Variants in IQGAP2 observed in about 807,000 individuals in gnomAD.
The protein encoded by IQGAP2 is IQ motif containing GTPase activating protein 2.
IQGAP2 carries 173 observed loss-of-function variants against 201.3 expected under a neutral mutation model. That is an observed-to-expected ratio of 0.86 (90% CI 0.76 to 0.98). The LOEUF (loss-of-function observed/expected upper bound fraction) is 0.98. IQGAP2 is among the 50% of genes least tolerant of loss of function. IQGAP2 has a pLI of 0.00. For missense variants in IQGAP2, 1,687 were observed against 1,864.8 expected (o/e 0.90, Z 1.76); for synonymous variants, 675 against 673.9 (o/e 1.00, Z -0.03).
At chr5:76,426,804 C>T (rs1218654322) in intron 1 of IQGAP2, among the ~76,000 whole-genome samples, 2 of 152,064 alleles carry the variant, frequency 1.3e-5, no homozygotes, top group African/African-American at 4.8e-5. Flanking sequence ...CAAGTAGGGG[C>T]CCTTCTTGAT....
rs1460683046 is a variant in IQGAP2 at position 76,403,925 on chromosome 5, G to C, written c.46+334G>C. On this transcript the variant is annotated intron_variant, in intron 1 of 35. Coordinates refer to ENST00000274364, the MANE Select transcript of IQGAP2 (RefSeq NM_006633.5). This position sits in a 1 kb window ranked among gnomAD's most constrained non-coding sequence, Gnocchi z 4.8. ...CAGGTGAGGAGTCCGCGGAGCTCCG[G>C]GTCGCCGCCGGCTTGGGCCAGGGGG... 4.6e-5 allele frequency among the ~76,000 whole-genome samples: 7 copies of C among 152,170 alleles called. 1 individual carries two copies. In the East Asian group the frequency reaches 1.2e-3, roughly 25 times the overall value.
rs377414333 is a variant in IQGAP2 at position 76,452,477 on chromosome 5, T to C, written c.47-9093T>C. Among the ~76,000 whole-genome samples the C allele has an allele frequency of 4.3e-4, 65 of 152,310 alleles. 1 individual carries two copies. In the South Asian group the frequency reaches 0.013, roughly 30 times the overall value. Reference sequence around the variant, plus strand: ...CCTCATGTGATCTAATTTGTCAATATTGAATATTAATTTTTTTCTGTTGCT... The same window carrying C: ...CCTCATGTGATCTAATTTGTCAATACTGAATATTAATTTTTTTCTGTTGCT... On this transcript the variant is annotated intron_variant, in intron 1 of 35. Transcript: ENST00000274364.
At position 76,413,156 on chromosome 5, in the gene IQGAP2, C is replaced by CTTT. The variant is rs567410789; in HGVS notation, c.46+9593_46+9595dup. The stretch of plus-strand genomic sequence containing the variant: ...TATTTTCTTTTTTCTTTTCTTTTCT[C>CTTT]TTTTTTTTTTTTTTTTTTTTTTTTT... On this transcript the variant is annotated intron_variant, in intron 1 of 35. Coordinates refer to ENST00000274364, the MANE Select transcript of IQGAP2 (RefSeq NM_006633.5). 2.4e-3 allele frequency among the ~76,000 whole-genome samples: 200 copies of CTTT among 83,692 alleles called. 14 individuals are homozygous for CTTT. The highest frequency in any genetic ancestry group is 7.8e-3 in the African/African-American group (150 of 19,284). The allele number at this position is 83,692 out of a possible 152,430, so 54.9% of individuals were successfully genotyped here.
chr5:76,581,699 A>G (rs1384185475), intron 5 of IQGAP2, among the ~76,000 whole-genome samples: 1 of 152,192 alleles, frequency 6.6e-6, no homozygotes, highest in Non-Finnish European at 1.5e-5. Context: ...AGGAGGTTTA[A>G]TTGAACTAAT....
chr5:76,590,726 T>C (rs1746587872), intron 8 of IQGAP2, 140 bp downstream of exon 8: 6 of 672,390 alleles, frequency 8.9e-6, no homozygotes, highest in East Asian at 8.3e-5. Flanking sequence ...TTGAATGAAA[T>C]GTAGCATACA....
At chr5:76,428,216 G>A (rs1752124044) in intron 1 of IQGAP2, among the ~76,000 whole-genome samples, 1 of 152,036 alleles carries the variant, frequency 6.6e-6, no homozygotes, top group African/African-American at 2.4e-5. Flanking sequence ...GCGGGGTGAT[G>A]GGCAGCCAGA....
chr5:76,430,028 C>T (rs368739883), intron 1 of IQGAP2, among the ~76,000 whole-genome samples: 9 of 152,170 alleles, frequency 5.9e-5, no homozygotes, highest in African/African-American at 2.2e-4. Context: ...ATTTGAGGTC[C>T]TAGTGCAGCC....
chr5:76,623,306 A>T, intron 13 of IQGAP2: 1 of 1,541,098 alleles, frequency 6.5e-7, no homozygotes, highest in Non-Finnish European at 9.0e-7. Flanking sequence ...CCTCAGTTCC[A>T]TGTGTCAGCA....
rs1442570138 is a variant in IQGAP2 at position 76,475,426 on chromosome 5, G to A, written c.146+13757G>A. ...TAGGTGTTGGGGCTCAGACACTGATGCCCCAAAATACAGCATTTTGACATT... is the reference window on the plus strand; with the variant it reads ...TAGGTGTTGGGGCTCAGACACTGATACCCCAAAATACAGCATTTTGACATT... On this transcript the variant is annotated intron_variant, in intron 2 of 35. Coordinates refer to ENST00000274364, the MANE Select transcript of IQGAP2 (RefSeq NM_006633.5). 7.2e-5 allele frequency among the ~76,000 whole-genome samples: 11 copies of A among 152,176 alleles called. 2 individuals carry two copies. The highest frequency in any genetic ancestry group is 1.5e-5 in the Non-Finnish European group (1 of 68,024).
At chr5:76,700,090 T>C (rs1561609823) in intron 33 of IQGAP2, among the ~76,000 whole-genome samples, 1 of 152,092 alleles carries the variant, frequency 6.6e-6, no homozygotes, top group Non-Finnish European at 1.5e-5. Flanking sequence ...AGGAAGAATA[T>C]ATACATATAC....
At chr5:76,598,713 T>C (rs1460845090) in intron 10 of IQGAP2, among the ~76,000 whole-genome samples, 1 of 152,166 alleles carries the variant, frequency 6.6e-6, no homozygotes, top group Non-Finnish European at 1.5e-5. Context: ...GCCTGAAGGA[T>C]ATGAACCAAA....
At position 76,637,074 on chromosome 5, in the gene IQGAP2, A is replaced by G. The variant is rs1751194407; in HGVS notation, c.1821A>G (p.Lys607=). 2 of 1,612,096 alleles carry G rather than the reference A, an allele frequency of 1.2e-6. No homozygotes were observed. The highest frequency in any genetic ancestry group is 1.7e-6 in the Non-Finnish European group (2 of 1,178,714). Residue 607 remains lysine, a synonymous_variant, in exon 16 of 36, where the codon AAA becomes AAG. Transcript: ENST00000274364. ...DGSWLKLNLH[K]KYDYYYNTDS... is the part of the protein sequence containing the mutation. ...CATGGCTCAAACTCAACCTGCACAA[A>G]AAATATGACTACTATTACAACACTG...
intron 17 of IQGAP2, among the ~76,000 whole-genome samples, chr5:76,652,371 A>G (rs1752586277): frequency 6.6e-6 from 1 of 152,194 alleles, no homozygotes; most frequent in Admixed American, 6.5e-5. Context: ...CATTATTTTC[A>G]AGCATTTTTT....
At chr5:76,667,877 CTT>C (rs540744402) in intron 22 of IQGAP2, among the ~76,000 whole-genome samples, 6 of 123,422 alleles carry the variant, frequency 4.9e-5, no homozygotes, top group African/African-American at 1.6e-4. Flanking sequence ...AGTCCACTTT[CTT>C]TTTTTTTTTT....
chr5:76,536,945 T>A (rs1271773475), intron 2 of IQGAP2, among the ~76,000 whole-genome samples: 1 of 152,176 alleles, frequency 6.6e-6, no homozygotes, highest in African/African-American at 2.4e-5. Flanking sequence ...CCTTCTAGTA[T>A]CACTGAGGGA....
intron 35 of IQGAP2, among the ~76,000 whole-genome samples, chr5:76,706,142 A>T (rs1165588552): frequency 6.6e-6 from 1 of 152,212 alleles, no homozygotes; most frequent in Non-Finnish European, 1.5e-5. Context: ...TTCTCTCCAT[A>T]CATAGTTATT....
At chr5:76,558,895 G>A (rs1046309043) in intron 2 of IQGAP2, among the ~76,000 whole-genome samples, 1 of 151,442 alleles carries the variant, frequency 6.6e-6, no homozygotes, top group African/African-American at 2.4e-5. Flanking sequence ...TCTCTTGTCT[G>A]TTTTTCTTTT....
intron 1 of IQGAP2, among the ~76,000 whole-genome samples, chr5:76,415,158 C>T (rs1037088569): frequency 6.6e-6 from 1 of 151,986 alleles, no homozygotes; most frequent in Non-Finnish European, 1.5e-5. Flanking sequence ...CACCATATGC[C>T]GTATTACCCT....
At chr5:76,433,709 A>G (rs10474472) in intron 1 of IQGAP2, among the ~76,000 whole-genome samples, 112,295 of 152,136 alleles carry the variant, frequency 0.74, 44,560 homozygotes, top group Non-Finnish European at 0.89. Flanking sequence ...AACCCTGACT[A>G]CTTAGATAAT....
Sources: allele counts gnomAD v4.1 joint callset (sites outside exome capture counted in the v4.1 genomes callset), GRCh38; gene constraint gnomAD v4.1.1; non-coding constraint Gnocchi (gnomAD v3.1); transcripts MANE v1.5; gene names NCBI Gene and HGNC (gene_info 2026-07-23, HGNC 2026-07-21).